CCR5AS: variants seen among roughly 807,000 people sequenced by gnomAD.
CCR5AS encodes CCR5 antisense RNA.
rs924325563 is a variant in CCR5AS, at chr3:46,370,628, T to G, written n.565+616A>C. Among the ~76,000 whole-genome samples, 8 of 152,356 alleles carry G rather than the reference T, an allele frequency of 5.3e-5. No individual in the cohort carries two copies. The East Asian group carries it at 1.2e-3, about 22-fold the overall frequency. On this transcript the variant is annotated intron_variant and non_coding_transcript_variant, in intron 3 of 3. Transcript: ENST00000451485. ...GATAGTAATTTCTTTTACTAAAATG[T>G]GGGCTTTTGACTAGATGAATGTAAA...
chr3:46,386,416 G>A (rs2106766013), intron 2 of CCR5AS, among the ~76,000 whole-genome samples: 3 of 152,274 alleles, frequency 2.0e-5, no homozygotes, highest in Middle Eastern at 6.8e-3. Context: ...TTCAGAAAAA[G>A]CCTTCTGTCC....
intron 2 of CCR5AS, chr3:46,372,950 A>G (rs1438064610): frequency 6.2e-6 from 10 of 1,611,264 alleles, no homozygotes; most frequent in Non-Finnish European, 7.6e-6. Flanking sequence ...ATTATTATAC[A>G]TCGGAGCCCT....
chr3:46,386,555 G>C (rs1701864603), intron 2 of CCR5AS, among the ~76,000 whole-genome samples: 1 of 152,154 alleles, frequency 6.6e-6, no homozygotes, highest in Non-Finnish European at 1.5e-5. Flanking sequence ...GCCAAATCCA[G>C]AATATAGAAA....
chr3:46,386,648 C>T (rs935789577), intron 2 of CCR5AS, among the ~76,000 whole-genome samples: 38 of 152,180 alleles, frequency 2.5e-4, no homozygotes, highest in Admixed American at 2.4e-3. Context: ...GAGCACTGGT[C>T]TTGTTTATGT....
chr3:46,398,247 A>G (rs149421566), intron 1 of CCR5AS, among the ~76,000 whole-genome samples: 112 of 152,276 alleles, frequency 7.4e-4, no homozygotes, highest in African/African-American at 2.4e-3. Flanking sequence ...GATGCCCTCA[A>G]TGTTCCCGGC....
intron 1 of CCR5AS, among the ~76,000 whole-genome samples, chr3:46,393,293 C>G (rs553012531): frequency 6.6e-6 from 1 of 151,392 alleles, no homozygotes; most frequent in Non-Finnish European, 1.5e-5. Context: ...AAGGCAGGAG[C>G]GGCCTATTTT....
chr3:46,382,569 C>G (rs1701826231), intron 2 of CCR5AS, among the ~76,000 whole-genome samples: 1 of 152,126 alleles, frequency 6.6e-6, no homozygotes, highest in Non-Finnish European at 1.5e-5. Flanking sequence ...CTAATAGCAA[C>G]CTGACAGGGT....
chr3:46,372,386 C>T (rs1350776227), intron 2 of CCR5AS, among the ~76,000 whole-genome samples: 2 of 151,952 alleles, frequency 1.3e-5, no homozygotes, highest in Admixed American at 6.6e-5. Context: ...ACAAAATTAG[C>T]TTGGTGTGGT....
intron 2 of CCR5AS, chr3:46,373,806 G>A: frequency 1.2e-6 from 2 of 1,614,030 alleles, no homozygotes; most frequent in South Asian, 1.1e-5. Flanking sequence ...CTTTGTCGGG[G>A]AGAAGTTCAG....
intron 2 of CCR5AS, among the ~76,000 whole-genome samples, chr3:46,390,094 A>G (rs1701896949): frequency 6.6e-6 from 1 of 152,194 alleles, no homozygotes; most frequent in South Asian, 2.1e-4. Context: ...AAAGCAGATC[A>G]TGAGAAAGGG....
intron 2 of CCR5AS, chr3:46,373,677 A>T: frequency 1.2e-6 from 2 of 1,614,074 alleles, no homozygotes; most frequent in Non-Finnish European, 1.7e-6. Context: ...TCTCCTGAAC[A>T]CCTTCCAGGA....
At chr3:46,369,593 G>A (rs764727867) in intron 3 of CCR5AS, among the ~76,000 whole-genome samples, 7 of 151,776 alleles carry the variant, frequency 4.6e-5, no homozygotes, top group African/African-American at 1.2e-4. Context: ...CAGAGACTCC[G>A]GTGAACCAAT....
At chr3:46,365,350 A>G (rs1701589291) in intron 3 of CCR5AS, among the ~76,000 whole-genome samples, 1 of 152,216 alleles carries the variant, frequency 6.6e-6, no homozygotes. Context: ...CAGCAAAAAC[A>G]CTATGACTTG....
chr3:46,387,785 G>A (rs1207024792), intron 2 of CCR5AS, among the ~76,000 whole-genome samples: 1 of 152,204 alleles, frequency 6.6e-6, no homozygotes, highest in Non-Finnish European at 1.5e-5. Flanking sequence ...TGAAAAAAGA[G>A]TCAGCAAAGG....
At chr3:46,401,218 TCCACGCAGG>T (rs762457073) in intron 1 of CCR5AS, among the ~76,000 whole-genome samples, 6 of 152,124 alleles carry the variant, frequency 3.9e-5, no homozygotes, top group Non-Finnish European at 8.8e-5. Flanking sequence ...AAAGGATTGG[TCCACGCAGG>T]CCACAGGAAA....
At chr3:46,381,397 A>C (rs957282427) in intron 2 of CCR5AS, among the ~76,000 whole-genome samples, 1 of 152,162 alleles carries the variant, frequency 6.6e-6, no homozygotes, top group Non-Finnish European at 1.5e-5. Context: ...TTCTGCAGAG[A>C]ATTAGAATTT....
At chr3:46,375,731 A>G (rs999476047) in intron 2 of CCR5AS, 4 of 166,772 alleles carry the variant, frequency 2.4e-5, no homozygotes, top group African/African-American at 9.7e-5. Flanking sequence ...AACAGAAAAA[A>G]TCGTCTCTCC....
At chr3:46,370,031 A>AT (rs1248338899) in intron 3 of CCR5AS, among the ~76,000 whole-genome samples, 1 of 152,092 alleles carries the variant, frequency 6.6e-6, no homozygotes, top group East Asian at 1.9e-4. Flanking sequence ...AATACTTGAG[A>AT]TTTTCAGATG....
At chr3:46,376,761 G>T (rs921560485) in intron 2 of CCR5AS, among the ~76,000 whole-genome samples, 1 of 152,178 alleles carries the variant, frequency 6.6e-6, no homozygotes, top group Non-Finnish European at 1.5e-5. Flanking sequence ...CCTGAGAGAG[G>T]ACAGGTGCTA....
Sources: allele counts gnomAD v4.1 joint callset (sites outside exome capture counted in the v4.1 genomes callset), GRCh38; gene constraint gnomAD v4.1.1; transcripts MANE v1.5; gene names NCBI Gene and HGNC (gene_info 2026-07-23, HGNC 2026-07-21).